The following NFIL3 variants were observed in gnomAD, a reference collection of about 807,000 sequenced individuals.
NFIL3 encodes nuclear factor interleukin-3-regulated protein.
In NFIL3, 5 loss-of-function variants were observed where a neutral mutation model predicts 10.0. The ratio of observed to expected loss-of-function variants is 0.50; its 90% confidence interval spans 0.26 to 1.06. The LOEUF (loss-of-function observed/expected upper bound fraction) is 1.06, where lower values mean the gene tolerates loss of function less well. Among genes scored for constraint, NFIL3 ranks in the 50% least tolerant of loss-of-function variants. The pLI, the probability that NFIL3 is intolerant of heterozygous loss-of-function variation, is 0.13. For synonymous variants in NFIL3, 202 were observed against 206.5 expected (o/e 0.98, Z 0.19); for missense variants, 436 against 547.6 (o/e 0.80, Z 2.03).
At chr9:91,451,939 C>T in the NFIL3 span, among the ~76,000 whole-genome samples, 1 of 152,108 alleles carries the variant, frequency 6.6e-6, no homozygotes, top group Admixed American at 6.5e-5. Flanking sequence ...ATCCTAGACC[C>T]CTCACAATTC....
chr9:91,430,830 G>A, the NFIL3 span, among the ~76,000 whole-genome samples: 1 of 152,154 alleles, frequency 6.6e-6, no homozygotes, highest in Non-Finnish European at 1.5e-5. Context: ...ACATTTTGTA[G>A]AGGCAGGATC....
the NFIL3 span, among the ~76,000 whole-genome samples, chr9:91,429,218 C>T: frequency 6.6e-6 from 1 of 152,196 alleles, no homozygotes; most frequent in East Asian, 1.9e-4. Context: ...AGCTACACAG[C>T]TGCAACTCAG....
At chr9:91,448,848 A>G in the NFIL3 span, among the ~76,000 whole-genome samples, 1 of 152,132 alleles carries the variant, frequency 6.6e-6, no homozygotes, top group South Asian at 2.1e-4. Context: ...GCTTGATACT[A>G]TTAAGTCTTC....
chr9:91,426,161 T>C (rs1833871796), upstream of NFIL3: 1 of 152,240 alleles, frequency 6.6e-6, no homozygotes, highest in Admixed American at 6.5e-5. Context: ...AATGCTCCTA[T>C]ATTTACTTGG....
intron 1 of NFIL3, among the ~76,000 whole-genome samples, chr9:91,419,712 G>A (rs1294661773): frequency 1.3e-5 from 2 of 152,190 alleles, no homozygotes; most frequent in Non-Finnish European, 2.9e-5. Flanking sequence ...TATGTGTTTA[G>A]TAAATACTAA....
chr9:91,479,416 C>T, the NFIL3 span, among the ~76,000 whole-genome samples: 7 of 151,562 alleles, frequency 4.6e-5, no homozygotes, highest in Admixed American at 3.3e-4. Context: ...CCAACCAGTC[C>T]GAACTTCTTG....
At chr9:91,440,710 G>A in the NFIL3 span, among the ~76,000 whole-genome samples, 1 of 151,948 alleles carries the variant, frequency 6.6e-6, no homozygotes, top group Non-Finnish European at 1.5e-5. Flanking sequence ...CATTTCCATT[G>A]TCATTGGTCT....
chr9:91,414,504 C>G (rs988188694), intron 1 of NFIL3, among the ~76,000 whole-genome samples: 5 of 152,248 alleles, frequency 3.3e-5, no homozygotes, highest in Admixed American at 2.6e-4. Flanking sequence ...GGTGATCTGC[C>G]TACCTTGGCC....
chr9:91,443,089 A>G, the NFIL3 span, among the ~76,000 whole-genome samples: 1 of 152,156 alleles, frequency 6.6e-6, no homozygotes, highest in African/African-American at 2.4e-5. Flanking sequence ...GGTCATGCAC[A>G]TGAATATCTA....
At chr9:91,470,909 T>C in the NFIL3 span, among the ~76,000 whole-genome samples, 4 of 152,330 alleles carry the variant, frequency 2.6e-5, no homozygotes, top group African/African-American at 9.6e-5. Context: ...TTCTGTTCTT[T>C]TACATTTGCT....
the NFIL3 span, among the ~76,000 whole-genome samples, chr9:91,454,095 T>C: frequency 6.7e-6 from 1 of 150,364 alleles, no homozygotes; most frequent in East Asian, 2.0e-4. Context: ...TAGCTGGGCA[T>C]GGGTGGCGCA....
At chr9:91,431,516 G>A in the NFIL3 span, among the ~76,000 whole-genome samples, 1 of 152,164 alleles carries the variant, frequency 6.6e-6, no homozygotes, top group Non-Finnish European at 1.5e-5. Context: ...AAGGTGTCAC[G>A]GGAACAGAGC....
At chr9:91,450,283 GA>G in the NFIL3 span, among the ~76,000 whole-genome samples, 1 of 151,880 alleles carries the variant, frequency 6.6e-6, no homozygotes, top group Non-Finnish European at 1.5e-5. Flanking sequence ...ATTTCCTCAA[GA>G]TATAAAGTTA....
At chr9:91,412,127 CACACAAAACAAAAAAACACTT>C (rs1833565276) in intron 1 of NFIL3, among the ~76,000 whole-genome samples, 1 of 143,228 alleles carries the variant, frequency 7.0e-6, no homozygotes, top group South Asian at 2.2e-4. Context: ...AAAAAAACCC[CACACAAAACAAAAAAACACTT>C]ACTATTCAAA....
At chr9:91,468,934 A>T in the NFIL3 span, among the ~76,000 whole-genome samples, 1 of 152,102 alleles carries the variant, frequency 6.6e-6, no homozygotes, top group Non-Finnish European at 1.5e-5. Context: ...TGTTTTGGTT[A>T]CTGTAGCCTT....
intron 1 of NFIL3, among the ~76,000 whole-genome samples, chr9:91,417,095 TATTA>T (rs1201178176): frequency 3.3e-5 from 5 of 152,212 alleles, no homozygotes; most frequent in Non-Finnish European, 7.4e-5. Context: ...AACATTTTGT[TATTA>T]ATTATCTATA....
chr9:91,438,048 T>C, the NFIL3 span, among the ~76,000 whole-genome samples: 1 of 152,216 alleles, frequency 6.6e-6, no homozygotes. Flanking sequence ...CTGGGCCACA[T>C]GGTAGTCCTA....
intron 1 of NFIL3, among the ~76,000 whole-genome samples, chr9:91,419,774 A>C (rs1357679920): frequency 6.6e-6 from 1 of 152,258 alleles, no homozygotes; most frequent in Non-Finnish European, 1.5e-5. Context: ...AACGATGCCT[A>C]TCAGTTCCAG....
the NFIL3 span, among the ~76,000 whole-genome samples, chr9:91,470,409 G>T: frequency 3.3e-5 from 1 of 30,430 alleles, no homozygotes; most frequent in African/African-American, 3.6e-4. Context: ...GTGTCTATTT[G>T]ATTCTTCTCT....
Sources: allele counts gnomAD v4.1 joint callset (sites outside exome capture counted in the v4.1 genomes callset), GRCh38; gene constraint gnomAD v4.1.1; transcripts MANE v1.5; gene names NCBI Gene and HGNC (gene_info 2026-07-23, HGNC 2026-07-21).